ACSS3: variants seen among roughly 807,000 people sequenced by gnomAD.
The protein encoded by ACSS3 is acyl-CoA synthetase short chain family member 3, also known as acyl-CoA synthetase short-chain family member 3, mitochondrial.
ACSS3 carries 64 observed loss-of-function variants against 84.2 expected under a neutral mutation model. That is an observed-to-expected ratio of 0.76 (90% confidence interval 0.62 to 0.94). ACSS3 has a LOEUF of 0.94. ACSS3 is among the 40% of genes least tolerant of loss of function. The pLI, the probability that ACSS3 is intolerant of heterozygous loss-of-function variation, is 0.00. For synonymous variants in ACSS3, 317 were observed against 310.1 expected, an observed-to-expected ratio of 1.02 and a Z score of -0.23; for missense variants, 815 against 867.6, an observed-to-expected ratio of 0.94 and a Z score of 0.76.
At chr12:81,206,418 A>C (rs530157816) in intron 9 of ACSS3, among the ~76,000 whole-genome samples, 1 of 152,214 alleles carries the variant, frequency 6.6e-6, no homozygotes, top group East Asian at 1.9e-4. Context: ...CAGTAATATG[A>C]ATGACTTAAC....
intron 10 of ACSS3, among the ~76,000 whole-genome samples, chr12:81,217,841 A>G (rs987242458): frequency 6.6e-6 from 1 of 152,068 alleles, no homozygotes; most frequent in Non-Finnish European, 1.5e-5. Context: ...CTGTCTCAAA[A>G]AATAAATAAA....
Position 81,161,890 on chromosome 12 carries a change from C to T in ACSS3, c.1098+9794C>T, listed in dbSNP as rs539291295. On this transcript the variant is annotated intron_variant, in intron 7 of 15. Transcript: ENST00000548058. ...GGTTGGGCAGCTCCAGGAGCCACTACGGACCTGTGTCTGGACGAGGGAAAC... is the reference window on the plus strand; with the variant it reads ...GGTTGGGCAGCTCCAGGAGCCACTATGGACCTGTGTCTGGACGAGGGAAAC... Among the ~76,000 whole-genome samples, 278 of 152,284 alleles carry T rather than the reference C, an allele frequency of 1.8e-3. 1 individual carries two copies. Among genetic ancestry groups the T allele is most frequent in the African/African-American group, 6.2e-3 (256 of 41,562 alleles).
At chr12:81,103,716 A>G (rs1882723565) in intron 1 of ACSS3, among the ~76,000 whole-genome samples, 1 of 152,254 alleles carries the variant, frequency 6.6e-6, no homozygotes, top group East Asian at 1.9e-4. Context: ...GTCTAAAGGT[A>G]CTTTTAAAAA....
chr12:81,178,029 G>T (rs1020146258), intron 8 of ACSS3, among the ~76,000 whole-genome samples: 2 of 152,170 alleles, frequency 1.3e-5, no homozygotes, highest in Non-Finnish European at 2.9e-5. Flanking sequence ...GTTTACTGCA[G>T]CACTATTCAC....
At chr12:81,157,310 A>G (rs924363487) in intron 7 of ACSS3, among the ~76,000 whole-genome samples, 2 of 152,244 alleles carry the variant, frequency 1.3e-5, no homozygotes, top group African/African-American at 4.8e-5. Context: ...ACATTCATTC[A>G]TAATGAAGAG....
At chr12:81,179,271 CA>C (rs71098127) in intron 8 of ACSS3, among the ~76,000 whole-genome samples, 30,084 of 66,792 alleles carry the variant, frequency 0.45, 3,139 homozygotes, top group Non-Finnish European at 0.48. Context: ...AAGTAATTGC[CA>C]AAAAAAAAAA....
chr12:81,088,262 A>G (rs563720710), intron 1 of ACSS3, among the ~76,000 whole-genome samples: 3 of 152,228 alleles, frequency 2.0e-5, no homozygotes, highest in Non-Finnish European at 4.4e-5. Context: ...TGAACCCACA[A>G]TGGAGTGGCG....
At chr12:81,198,861 G>A (rs1163883672) in intron 8 of ACSS3, among the ~76,000 whole-genome samples, 1 of 152,056 alleles carries the variant, frequency 6.6e-6, no homozygotes, top group Admixed American at 6.6e-5. Flanking sequence ...CAAAATTAGA[G>A]TAATCTTTAT....
Position 81,156,333 on chromosome 12 carries a change from C to A in ACSS3, c.1098+4237C>A, listed in dbSNP as rs12311218. Among the ~76,000 whole-genome samples, 322 of 151,488 alleles carry A rather than the reference C, an allele frequency of 2.1e-3. 3 individuals carry two copies. The highest frequency in any genetic ancestry group is 7.4e-3 in the African/African-American group (306 of 41,282). On this transcript the variant is annotated intron_variant, in intron 7 of 15. Transcript: ENST00000548058. ...AGTTCTGAGAGGGAAATTTATAGCA[C>A]TAAATGGATATACTAGAAAAGAGGA...
Position 81,259,721 on chromosome 12 carries a change from C to G in ACSS3, c.*4799C>G. 1 of 1,445,438 alleles carries G rather than the reference C, an allele frequency of 6.9e-7. No individual in the cohort carries two copies. The highest frequency in any genetic ancestry group is 9.4e-7 in the Non-Finnish European group (1 of 1,065,764). 89.5% of individuals were successfully genotyped at this position (1,445,438 alleles called of 1,614,324 possible). ...AAGTCCCAGACTGGGAAATCTCATT[C>G]TACTCCTCTGTGGTGTACCTCCACG... On this transcript the variant is annotated 3_prime_UTR_variant, in exon 16 of 16. Transcript: ENST00000548058.
intron 1 of ACSS3, among the ~76,000 whole-genome samples, chr12:81,102,848 T>C (rs900240252): frequency 3.3e-5 from 5 of 151,614 alleles, no homozygotes; most frequent in African/African-American, 1.2e-4. Context: ...AAGGAGAAGA[T>C]TGAGAGTCAT....
At chr12:81,242,513 C>T (rs886500365) in intron 13 of ACSS3, among the ~76,000 whole-genome samples, 93 of 150,788 alleles carry the variant, frequency 6.2e-4, no homozygotes, top group Admixed American at 1.7e-3. Flanking sequence ...TTTTATGAGG[C>T]CAGCATCATC....
chr12:81,216,071 T>A (rs140897080), intron 9 of ACSS3, among the ~76,000 whole-genome samples: 2 of 152,040 alleles, frequency 1.3e-5, no homozygotes, highest in African/African-American at 4.8e-5. Context: ...ATGCAGGTTC[T>A]CTAGGCAAGT....
chr12:81,086,960 A>G (rs1243611830), intron 1 of ACSS3, among the ~76,000 whole-genome samples: 1 of 152,152 alleles, frequency 6.6e-6, no homozygotes, highest in African/African-American at 2.4e-5. Flanking sequence ...TTGTTATATT[A>G]AAGGTATTAA....
intron 3 of ACSS3, among the ~76,000 whole-genome samples, chr12:81,138,149 A>G (rs1885906922): frequency 6.6e-6 from 1 of 152,190 alleles, no homozygotes. Flanking sequence ...CTTTGGGTCA[A>G]TTATCTGCCT....
intron 7 of ACSS3, among the ~76,000 whole-genome samples, chr12:81,168,581 T>G (rs773042850): frequency 7.2e-5 from 11 of 152,182 alleles, no homozygotes; most frequent in Non-Finnish European, 1.6e-4. Flanking sequence ...CATAAAGAGC[T>G]TCTGGGTCAG....
chr12:81,253,209 ATG>A (rs1593246938), intron 13 of ACSS3, 96 bp from the exon 14 acceptor site: 2 of 1,266,812 alleles, frequency 1.6e-6, no homozygotes, highest in East Asian at 4.9e-5. Flanking sequence ...CTGAAATTAT[ATG>A]TGTTTGTATA....
chr12:81,202,028 C>T (rs2032134223), intron 9 of ACSS3, among the ~76,000 whole-genome samples: 2 of 151,898 alleles, frequency 1.3e-5, no homozygotes. Flanking sequence ...GCCTGTAATC[C>T]CAGCACTTTG....
intron 11 of ACSS3, among the ~76,000 whole-genome samples, chr12:81,225,876 G>A (rs1030381095): frequency 2.6e-5 from 4 of 151,728 alleles, no homozygotes; most frequent in Non-Finnish European, 4.4e-5. Flanking sequence ...AATAAACAAG[G>A]CAATTGAATA....
Sources: gnomAD v4.1 joint callset for allele counts (sites outside exome capture counted in the v4.1 genomes callset) on GRCh38, gnomAD v4.1.1 for gene constraint, MANE v1.5 for transcripts, NCBI Gene and HGNC (gene_info 2026-07-23, HGNC 2026-07-21) for gene names.